FGF18: variants seen among roughly 807,000 people sequenced by gnomAD.
The protein encoded by FGF18 is fibroblast growth factor 18.
In FGF18, 5 loss-of-function variants were observed where a neutral mutation model predicts 23.0. The observed-to-expected ratio is 0.22, with a 90% CI of 0.11 to 0.46. The LOEUF is 0.46. Among genes scored for constraint, FGF18 ranks in the 20% least tolerant of loss-of-function variants. The probability of loss-of-function intolerance (pLI) is 0.99; values close to 1 mark genes in which losing one functional copy is unlikely to be tolerated. For missense variants in FGF18, 180 were observed against 291.6 expected (o/e 0.62, Z 2.79); for synonymous variants, 117 against 118.9 (o/e 0.98, Z 0.10).
chr5:171,456,508 T>C lies in FGF18; in HGVS notation c.358-31T>C, dbSNP rs780970429. The C allele has an allele frequency of 2.5e-6, 4 of 1,597,936 alleles. No individual in the cohort carries two copies. In the Admixed American group the frequency reaches 6.9e-5, roughly 27 times the overall value. ...TGGCAAGCATAACTGAGTCATTTTT[T>C]TCTTGAACACTCCCCCTCTCTCCCC... On this transcript the variant is annotated intron_variant, in intron 4 of 4. Coordinates refer to ENST00000274625, the MANE Select transcript of FGF18 (RefSeq NM_003862.3). This position sits in a 1 kb window ranked among gnomAD's most constrained non-coding sequence, Gnocchi z 6.1.
rs944140769 is a variant in FGF18 at position 171,434,190 on chromosome 5, A to C, written c.70-1903A>C. Among the ~76,000 whole-genome samples, 5 of 152,224 alleles carry C rather than the reference A, an allele frequency of 3.3e-5. No individual in the cohort carries two copies. The highest frequency in any genetic ancestry group is 1.2e-4 in the African/African-American group (5 of 41,456). The stretch of plus-strand genomic sequence containing the variant: ...CACAGGAAACACAGTCTTTAGGGTC[A>C]CAAGGCCTGGGGTTAATTCTGCATT... On this transcript the variant is annotated intron_variant, in intron 2 of 4. Coordinates refer to ENST00000274625, the MANE Select transcript of FGF18 (RefSeq NM_003862.3). The surrounding 1 kb of genome is among the most constrained non-coding windows in gnomAD (Gnocchi z 4.6).
rs1772243679 is a variant in FGF18, at chr5:171,436,228, C to G, written c.205C>G (p.Leu69Val). ...SRTSGKHIQV[L>V]GRRISARGED... ...GACCAGTGGGAAACACATCCAGGTC[C>G]TGGGCCGCAGGATCAGTGCCCGCGG... Residue 69 changes from leucine to valine, a missense_variant, in exon 3 of 5, where the codon CTG becomes GTG. Physicochemically the swap from Leu to Val is conservative, Grantham distance 32. Coordinates refer to ENST00000274625, the MANE Select transcript of FGF18 (RefSeq NM_003862.3). The surrounding 1 kb of genome is among the most constrained non-coding windows in gnomAD (Gnocchi z 4.4). 1.9e-6 allele frequency: 3 copies of G among 1,601,506 alleles called. No homozygotes were observed. The highest frequency in any genetic ancestry group is 1.3e-5 in the African/African-American group (1 of 74,352).
Position 171,440,003 on chromosome 5 carries a change from G to A in FGF18, c.250+3730G>A, listed in dbSNP as rs1209663535. ...GAGTGGCCCTGCTAGCCAGGGAGAT[G>A]GTATTTGGAGGATTGAGCTTGTCAG... On this transcript the variant is annotated intron_variant, in intron 3 of 4. Coordinates refer to ENST00000274625, the MANE Select transcript of FGF18 (RefSeq NM_003862.3). This position sits in a 1 kb window ranked among gnomAD's most constrained non-coding sequence, Gnocchi z 4.0. Among the ~76,000 whole-genome samples the A allele has an allele frequency of 6.6e-6, 1 of 152,194 alleles. No individual in the cohort carries two copies. Among genetic ancestry groups the A allele is most frequent in the Non-Finnish European group, 1.5e-5 (1 of 68,020 alleles).
At chr5:171,421,912 G>C (rs979447193) in intron 2 of FGF18, among the ~76,000 whole-genome samples, 3 of 152,132 alleles carry the variant, frequency 2.0e-5, no homozygotes, top group Non-Finnish European at 4.4e-5. Flanking sequence ...GTGTCAAAGA[G>C]GGAGGCCAGT....
intron 2 of FGF18, among the ~76,000 whole-genome samples, chr5:171,432,222 AC>A (rs1229465374): frequency 3.8e-4 from 58 of 152,158 alleles, no homozygotes; most frequent in African/African-American, 1.4e-3. Context: ...GTGACCTGCC[AC>A]GCAGCTAGTA....
chr5:171,425,421 A>G (rs1282512229), intron 2 of FGF18, among the ~76,000 whole-genome samples: 1 of 151,496 alleles, frequency 6.6e-6, no homozygotes, highest in East Asian at 1.9e-4. Context: ...GAGTTTCACC[A>G]TGTTGGCCAG....
intron 2 of FGF18, among the ~76,000 whole-genome samples, chr5:171,425,632 G>A (rs984717919): frequency 2.7e-5 from 4 of 150,188 alleles, no homozygotes; most frequent in Non-Finnish European, 5.9e-5. Flanking sequence ...CCGGGTTCAC[G>A]CCATTCTCCT....
chr5:171,438,037 T>C (rs1449177355), intron 3 of FGF18, among the ~76,000 whole-genome samples: 1 of 152,076 alleles, frequency 6.6e-6, no homozygotes, highest in East Asian at 1.9e-4. Context: ...TTGCCTTCTC[T>C]GGGCCTTGGT....
At position 171,421,860 on chromosome 5, in the gene FGF18, T is replaced by A. The variant is rs558054228; in HGVS notation, c.69+1417T>A. Among the ~76,000 whole-genome samples, 16 of 141,360 alleles carry A rather than the reference T, an allele frequency of 1.1e-4. 1 individual carries two copies. In the South Asian group the frequency reaches 3.8e-3, roughly 33 times the overall value. The allele number at this position is 141,360 out of a possible 152,430, so 92.7% of individuals were successfully genotyped here. A position where few individuals can be genotyped will look rare whatever the true frequency, so the allele number is the denominator to read the frequency against. On this transcript the variant is annotated intron_variant, in intron 2 of 4. Coordinates refer to ENST00000274625, the MANE Select transcript of FGF18 (RefSeq NM_003862.3). Reference sequence around the variant, plus strand: ...AAGACTGGCTGTTTGCCAAAGCAGATGTGACCTGTGTGGTGATGGGGGTGG... The same window carrying A: ...AAGACTGGCTGTTTGCCAAAGCAGAAGTGACCTGTGTGGTGATGGGGGTGG...
chr5:171,430,737 G>A (rs1220918843), intron 2 of FGF18, among the ~76,000 whole-genome samples: 2 of 137,424 alleles, frequency 1.5e-5, no homozygotes, highest in Non-Finnish European at 3.0e-5. Flanking sequence ...GCAGTGAGCC[G>A]AGATTGCGCC....
intron 2 of FGF18, among the ~76,000 whole-genome samples, chr5:171,435,129 C>T (rs1018879892): frequency 4.0e-4 from 61 of 152,054 alleles, no homozygotes; most frequent in African/African-American, 1.2e-3. Flanking sequence ...CAGTGGCCAG[C>T]GTGGCTGGTG....
At chr5:171,449,004 TG>T in intron 3 of FGF18, 142 bp from the exon 4 acceptor site, 1 of 662,538 alleles carries the variant, frequency 1.5e-6, no homozygotes, top group South Asian at 1.7e-5. Context: ...ATCTGTCCTG[TG>T]GGACTTGTTA....
chr5:171,430,314 C>T (rs1305096439), intron 2 of FGF18, among the ~76,000 whole-genome samples: 5 of 147,610 alleles, frequency 3.4e-5, no homozygotes, highest in South Asian at 2.2e-4. Context: ...GCCAAGATCA[C>T]GCCATTGCAC....
intron 3 of FGF18, among the ~76,000 whole-genome samples, chr5:171,438,414 AGTGTAACATGG>A (rs1266786065): frequency 2.0e-5 from 3 of 151,496 alleles, no homozygotes; most frequent in Non-Finnish European, 4.4e-5. Flanking sequence ...ATGCTTCTTA[AGTGTAACATGG>A]GTGTGACCAC....
intron 2 of FGF18, among the ~76,000 whole-genome samples, chr5:171,427,012 C>G (rs1403165107): frequency 6.6e-6 from 1 of 152,054 alleles, no homozygotes; most frequent in Admixed American, 6.5e-5. Flanking sequence ...AGTTTGAGAC[C>G]AGCCTGGCCA....
At chr5:171,428,156 C>G (rs768616432) in intron 2 of FGF18, among the ~76,000 whole-genome samples, 4 of 152,212 alleles carry the variant, frequency 2.6e-5, no homozygotes, top group Non-Finnish European at 5.9e-5. Flanking sequence ...TCCTGGAAGT[C>G]AAAGGGAGGT....
At chr5:171,439,603 G>T (rs188969733) in intron 3 of FGF18, among the ~76,000 whole-genome samples, 1 of 152,314 alleles carries the variant, frequency 6.6e-6, no homozygotes, top group Admixed American at 6.5e-5. Flanking sequence ...GGAGCATCTT[G>T]CAGGGCTGGG....
Position 171,434,619 on chromosome 5 carries a change from G to A in FGF18, c.70-1474G>A, listed in dbSNP as rs1772221122. 1.3e-5 allele frequency among the ~76,000 whole-genome samples: 2 copies of A among 152,186 alleles called. No individual in the cohort carries two copies. The highest frequency in any genetic ancestry group is 4.8e-5 in the African/African-American group (2 of 41,440). On this transcript the variant is annotated intron_variant, in intron 2 of 4. Transcript: ENST00000274625. The surrounding 1 kb of genome is among the most constrained non-coding windows in gnomAD (Gnocchi z 4.6). ...TCAGGAATGGCTCAGCCTTGTGGTT[G>A]ACATGGGATAGGACATGCATACAAC...
At chr5:171,454,772 G>A (rs749937053) in intron 4 of FGF18, among the ~76,000 whole-genome samples, 3 of 152,238 alleles carry the variant, frequency 2.0e-5, no homozygotes, top group African/African-American at 7.2e-5. Context: ...GCATCCGTCC[G>A]TAACGAGGAG....
Sources: gnomAD v4.1 joint callset for allele counts (sites outside exome capture counted in the v4.1 genomes callset) on GRCh38, gnomAD v4.1.1 for gene constraint, Gnocchi (gnomAD v3.1) non-coding constraint, MANE v1.5 for transcripts, NCBI Gene and HGNC (gene_info 2026-07-23, HGNC 2026-07-21) for gene names.